The following PRCP variants were observed in gnomAD, a reference collection of about 807,000 sequenced individuals.
The protein encoded by PRCP is prolylcarboxypeptidase.
In PRCP, 46 loss-of-function variants were observed where a neutral mutation model predicts 54.2. That is an observed-to-expected ratio of 0.85 (90% CI 0.67 to 1.09). PRCP has a LOEUF of 1.09. Among genes scored for constraint, PRCP ranks in the 50% least tolerant of loss-of-function variants. The pLI is 0.00. For missense variants in PRCP, 613 were observed against 596.8 expected (o/e 1.03, Z -0.28); for synonymous variants, 240 against 212.2 (o/e 1.13, Z -1.14).
intron 1 of PRCP, among the ~76,000 whole-genome samples, chr11:82,866,848 A>C (rs1235927508): frequency 1.3e-5 from 2 of 151,904 alleles, no homozygotes; most frequent in African/African-American, 4.8e-5. Context: ...CAGCCTCCCA[A>C]GTGGCTGGGA....
At chr11:82,830,808 A>G (rs1284519238) in intron 8 of PRCP, 1 of 151,886 alleles carries the variant, frequency 6.6e-6, no homozygotes, top group Non-Finnish European at 1.5e-5. Context: ...CGCCTTTATC[A>G]TTATTCCAAA....
In PRCP at chr11:82,839,253, A is replaced by G; in HGVS notation, c.1086+8T>C. 1 of 1,605,562 alleles carries G rather than the reference A, an allele frequency of 6.2e-7. No individual in the cohort carries two copies. The highest frequency in any genetic ancestry group is 2.2e-5 in the East Asian group (1 of 44,808). On this transcript the variant is annotated splice_region_variant and intron_variant, in intron 7 of 8. Coordinates refer to ENST00000313010, the MANE Select transcript of PRCP (RefSeq NM_005040.4). ...TAAGTTCCACTTGGGGAAATTATACATATTTACCTGATAGCTCCAACCCAG... is the reference window on the plus strand; with the variant it reads ...TAAGTTCCACTTGGGGAAATTATACGTATTTACCTGATAGCTCCAACCCAG...
intron 2 of PRCP, 67 bp from the exon 3 acceptor site, chr11:82,853,345 C>T (rs974410724): frequency 3.7e-6 from 5 of 1,343,394 alleles, no homozygotes; most frequent in African/African-American, 2.9e-5. Flanking sequence ...AACCTTTTGG[C>T]AAACCATATG....
chr11:82,849,529 G>A (rs1337981208), intron 5 of PRCP, among the ~76,000 whole-genome samples: 3 of 152,152 alleles, frequency 2.0e-5, no homozygotes, highest in African/African-American at 7.2e-5. Context: ...CTATCAAACA[G>A]TGCTAAGCAA....
chr11:82,881,961 T>C (rs575210993), intron 1 of PRCP, among the ~76,000 whole-genome samples: 2 of 152,328 alleles, frequency 1.3e-5, no homozygotes, highest in South Asian at 4.1e-4. Context: ...TTAACACATA[T>C]TTTGTATATG....
chr11:82,827,069 C>T (rs1007959103), intron 8 of PRCP: 1 of 152,166 alleles, frequency 6.6e-6, no homozygotes, highest in African/African-American at 2.4e-5. Flanking sequence ...CTGGAAATTA[C>T]TTATAGAACA....
chr11:82,874,380 A>T (rs1345996152), intron 1 of PRCP, among the ~76,000 whole-genome samples: 1 of 152,210 alleles, frequency 6.6e-6, no homozygotes, highest in Non-Finnish European at 1.5e-5. Context: ...TACACAAATA[A>T]GAACTTAGAA....
At chr11:82,828,318 A>C (rs191709581) in intron 8 of PRCP, 64 of 152,276 alleles carry the variant, frequency 4.2e-4, no homozygotes, top group African/African-American at 1.4e-3. Context: ...GTGTGCTGCA[A>C]AGTAAGAAAA....
intron 6 of PRCP, among the ~76,000 whole-genome samples, chr11:82,844,574 T>A (rs1175917168): frequency 5.9e-5 from 9 of 151,346 alleles, no homozygotes; most frequent in Non-Finnish European, 5.9e-5. Context: ...CCGTCTCTAC[T>A]AAAAATACAA....
chr11:82,862,998 C>T (rs921937058), intron 1 of PRCP, among the ~76,000 whole-genome samples: 10 of 152,172 alleles, frequency 6.6e-5, no homozygotes, highest in African/African-American at 1.9e-4. Flanking sequence ...GAAAGGAAGA[C>T]GGATAAGTGA....
chr11:82,868,805 C>T (rs1278464885), intron 1 of PRCP, among the ~76,000 whole-genome samples: 3 of 151,978 alleles, frequency 2.0e-5, no homozygotes, highest in Admixed American at 6.6e-5. Context: ...GAGGCTGAGG[C>T]GGGAGGATCA....
intron 6 of PRCP, among the ~76,000 whole-genome samples, chr11:82,844,458 C>T (rs1418888703): frequency 2.0e-5 from 3 of 151,106 alleles, no homozygotes; most frequent in East Asian, 2.0e-4. Context: ...AGAAAGAGGC[C>T]GGGCGCGGTG....
intron 1 of PRCP, among the ~76,000 whole-genome samples, chr11:82,878,401 C>T (rs1859658120): frequency 6.6e-6 from 1 of 152,070 alleles, no homozygotes; most frequent in South Asian, 2.1e-4. Flanking sequence ...TTGGCTGTGT[C>T]CCCACCCAAA....
chr11:82,855,090 T>C (rs12290015), intron 2 of PRCP, among the ~76,000 whole-genome samples: 17,786 of 151,878 alleles, frequency 0.12, 1,998 homozygotes, highest in African/African-American at 0.3. Context: ...AGAAGAAAAC[T>C]GAGGAAATAC....
chr11:82,876,935 G>A (rs1488422410), intron 1 of PRCP, among the ~76,000 whole-genome samples: 3 of 152,196 alleles, frequency 2.0e-5, no homozygotes, highest in Non-Finnish European at 2.9e-5. Flanking sequence ...ATAGGAAAAT[G>A]TGGGAAAGTT....
rs762118745 is a variant in PRCP at position 82,839,239 on chromosome 11, TGG to T, written c.1086+20_1086+21del. 1.6e-4 allele frequency: 260 copies of T among 1,594,996 alleles called. 1 individual carries two copies. Among genetic ancestry groups the T allele is most frequent in the Non-Finnish European group, 2.2e-4 (252 of 1,171,440 alleles). ...GTGTCAGTGAAAAGTAAGTTCCACT[TGG>T]GGAAATTATACATATTTACCTGATA... is the stretch of plus-strand genomic sequence containing the variant. On this transcript the variant is annotated intron_variant, in intron 7 of 8. Coordinates refer to ENST00000313010, the MANE Select transcript of PRCP (RefSeq NM_005040.4).
chr11:82,835,495 C>T (rs1240298947), intron 8 of PRCP: 6 of 249,482 alleles, frequency 2.4e-5, no homozygotes, highest in Non-Finnish European at 4.7e-5. Context: ...GCTAAGCCCA[C>T]TTGAGCCACA....
intron 8 of PRCP, chr11:82,828,603 C>A (rs550923643): frequency 1.3e-5 from 2 of 152,178 alleles, no homozygotes; most frequent in South Asian, 2.1e-4. Context: ...GGTTACAAAG[C>A]CTGAAATAAA....
intron 1 of PRCP, among the ~76,000 whole-genome samples, chr11:82,868,971 G>T (rs1416197597): frequency 6.6e-6 from 1 of 152,176 alleles, no homozygotes; most frequent in Non-Finnish European, 1.5e-5. Context: ...GGGAGGCAGA[G>T]GTTGCGGTAA....
Sources: allele counts gnomAD v4.1 joint callset (sites outside exome capture counted in the v4.1 genomes callset), GRCh38; gene constraint gnomAD v4.1.1; transcripts MANE v1.5; gene names NCBI Gene and HGNC (gene_info 2026-07-23, HGNC 2026-07-21).